The following TMEM272 variants were observed in gnomAD, a reference collection of about 807,000 sequenced individuals.
TMEM272 encodes transmembrane protein 272.
TMEM272 carries 8 observed loss-of-function variants against 3.7 expected under a neutral mutation model. The ratio of observed to expected loss-of-function variants is 2.17; its 90% CI spans 1.27 to 3.91. The LOEUF is 3.91. Ranked by LOEUF, TMEM272 falls within the 30% of genes most tolerant of loss-of-function variation. The probability of loss-of-function intolerance (pLI) is 0.00; values close to 1 mark genes in which losing one functional copy is unlikely to be tolerated. For synonymous variants in TMEM272, 63 were observed against 39.8 expected (o/e 1.58, Z -2.20); for missense variants, 166 against 91.5 (o/e 1.81, Z -3.32).
the TMEM272 span, chr13:51,932,263 T>A: frequency 6.6e-6 from 1 of 152,370 alleles, no homozygotes; most frequent in South Asian, 2.1e-4. Context: ...CTGCTCCTCC[T>A]CCTGACTCAC....
chr13:51,864,048 G>T, the TMEM272 span, among the ~76,000 whole-genome samples: 16,601 of 152,000 alleles, frequency 0.11, 2,573 homozygotes, highest in African/African-American at 0.35. Flanking sequence ...CAGATATATG[G>T]CAATGTTTGA....
the TMEM272 span, among the ~76,000 whole-genome samples, chr13:51,875,724 G>A: frequency 3.3e-5 from 5 of 152,270 alleles, no homozygotes; most frequent in East Asian, 9.7e-4. Flanking sequence ...CCTTGCAGGC[G>A]CTGCTGATCA....
chr13:51,820,090 A>G (rs1249452337), intron 4 of TMEM272, among the ~76,000 whole-genome samples: 2 of 152,162 alleles, frequency 1.3e-5, no homozygotes, highest in Non-Finnish European at 2.9e-5. Flanking sequence ...GTATCACACA[A>G]TACTTAACTT....
intron 3 of TMEM272, among the ~76,000 whole-genome samples, chr13:51,825,786 T>A (rs1956119748): frequency 6.6e-6 from 1 of 152,036 alleles, no homozygotes; most frequent in South Asian, 2.1e-4. Flanking sequence ...ACTTGCATTT[T>A]TTGGTAGAGA....
the TMEM272 span, among the ~76,000 whole-genome samples, chr13:51,912,304 C>A: frequency 6.6e-6 from 1 of 152,176 alleles, no homozygotes; most frequent in Non-Finnish European, 1.5e-5. Flanking sequence ...AGACCTGTTT[C>A]CCATTCACGC....
chr13:51,910,191 T>C, the TMEM272 span: 1 of 1,140,922 alleles, frequency 8.8e-7, no homozygotes, highest in African/African-American at 1.5e-5. Flanking sequence ...ACAGAGTATT[T>C]CATGCTCCAG....
the TMEM272 span, chr13:51,909,923 T>C: frequency 1.7e-3 from 2,760 of 1,600,990 alleles, 42 homozygotes; most frequent in African/African-American, 0.033. Flanking sequence ...TCACTTGTTC[T>C]TTCCATACTT....
intron 2 of TMEM272, among the ~76,000 whole-genome samples, chr13:51,832,681 G>A (rs150656028): frequency 9.8e-4 from 149 of 152,082 alleles, no homozygotes; most frequent in Non-Finnish European, 1.8e-3. Context: ...CTCTTCTCCA[G>A]CCCTGCACAA....
chr13:51,886,063 G>A, the TMEM272 span, among the ~76,000 whole-genome samples: 19 of 152,246 alleles, frequency 1.2e-4, no homozygotes, highest in Admixed American at 7.8e-4. Flanking sequence ...CAGCTTCCCC[G>A]CCTGGTACCT....
chr13:51,857,018 A>G, the TMEM272 span, among the ~76,000 whole-genome samples: 2 of 152,176 alleles, frequency 1.3e-5, no homozygotes, highest in Non-Finnish European at 2.9e-5. Flanking sequence ...TCTATTAAAA[A>G]CTTAGAGCCA....
At chr13:51,842,278 T>C (rs1956270063) in intron 1 of TMEM272, among the ~76,000 whole-genome samples, 1 of 152,198 alleles carries the variant, frequency 6.6e-6, no homozygotes, top group Admixed American at 6.5e-5. Flanking sequence ...CCTTGCCTTT[T>C]CCCCCATTAG....
chr13:51,832,791 A>G (rs1333877112), intron 2 of TMEM272, among the ~76,000 whole-genome samples: 1 of 152,192 alleles, frequency 6.6e-6, no homozygotes, highest in Non-Finnish European at 1.5e-5. Flanking sequence ...TCCCCTTTGA[A>G]TATAGATGAA....
chr13:51,818,437 C>T (rs1593589321), intron 4 of TMEM272, among the ~76,000 whole-genome samples: 3 of 152,170 alleles, frequency 2.0e-5, no homozygotes, highest in Non-Finnish European at 4.4e-5. Flanking sequence ...GAGTCAGAGC[C>T]TGGAGGTGAA....
the TMEM272 span, among the ~76,000 whole-genome samples, chr13:51,894,614 C>T: frequency 5.3e-5 from 8 of 152,042 alleles, no homozygotes; most frequent in African/African-American, 1.7e-4. Flanking sequence ...AGGAAAGGCG[C>T]GAAAGGACTG....
the TMEM272 span, chr13:51,908,566 G>C: frequency 3.3e-6 from 5 of 1,503,760 alleles, no homozygotes; most frequent in South Asian, 5.6e-5. Context: ...ACAAAGCCAG[G>C]GCCACTCACT....
At chr13:51,899,007 G>T in the TMEM272 span, among the ~76,000 whole-genome samples, 1 of 152,120 alleles carries the variant, frequency 6.6e-6, no homozygotes, top group Non-Finnish European at 1.5e-5. Context: ...AGACTGTCTA[G>T]ACTGCATGTC....
At chr13:51,875,047 C>T in the TMEM272 span, among the ~76,000 whole-genome samples, 5 of 147,278 alleles carry the variant, frequency 3.4e-5, no homozygotes, top group Admixed American at 2.0e-4. Context: ...CTAACCAATG[C>T]GGCTTTAACC....
the TMEM272 span, among the ~76,000 whole-genome samples, chr13:51,895,467 C>T: frequency 1.3e-5 from 2 of 152,122 alleles, no homozygotes; most frequent in South Asian, 2.1e-4. Flanking sequence ...GTGCTTTAGG[C>T]AGGGAATGGA....
the TMEM272 span, among the ~76,000 whole-genome samples, chr13:51,890,957 T>G: frequency 6.6e-6 from 1 of 152,234 alleles, no homozygotes; most frequent in Non-Finnish European, 1.5e-5. Flanking sequence ...TTGCCACTGT[T>G]GTCATGAATG....
Sources: allele counts gnomAD v4.1 joint callset (sites outside exome capture counted in the v4.1 genomes callset), GRCh38; gene constraint gnomAD v4.1.1; transcripts MANE v1.5; gene names NCBI Gene and HGNC (gene_info 2026-07-23, HGNC 2026-07-21).